DIP2C: variants seen among roughly 807,000 people sequenced by gnomAD.
DIP2C encodes disco-interacting protein 2 homolog C.
Under a neutral mutation model 192.4 loss-of-function variants are expected in DIP2C, and 33 were observed. That is an observed-to-expected ratio of 0.17 (90% CI 0.13 to 0.23). DIP2C has a LOEUF of 0.23. Among genes scored for constraint, DIP2C ranks in the 10% least tolerant of loss-of-function variants. The pLI is 1.00. For missense variants in DIP2C, 1,537 were observed against 2,110.1 expected (o/e 0.73, Z 5.32); for synonymous variants, 979 against 864.1 (o/e 1.13, Z -2.33).
At chr10:565,057 T>C (rs1478397446) in intron 1 of DIP2C, among the ~76,000 whole-genome samples, 1 of 152,180 alleles carries the variant, frequency 6.6e-6, no homozygotes, top group Non-Finnish European at 1.5e-5. Context: ...CTCTATTCAA[T>C]GGCAAACCAG....
intron 2 of DIP2C, among the ~76,000 whole-genome samples, chr10:477,835 G>A (rs1843198310): frequency 1.5e-5 from 2 of 131,396 alleles, no homozygotes; most frequent in East Asian, 2.3e-4. Flanking sequence ...GAAGGAGAAG[G>A]GAGAAAGAAA....
intron 1 of DIP2C, among the ~76,000 whole-genome samples, chr10:557,102 G>A (rs903199881): frequency 1.7e-4 from 26 of 152,324 alleles, no homozygotes; most frequent in Admixed American, 6.5e-4. Flanking sequence ...CCAGGAGACC[G>A]GCCACCTTGA....
chr10:466,124 C>A (rs933205418), intron 3 of DIP2C, among the ~76,000 whole-genome samples: 2 of 148,092 alleles, frequency 1.4e-5, no homozygotes, highest in African/African-American at 2.5e-5. Context: ...CATCACACTA[C>A]CTGACTTCAA....
intron 4 of DIP2C, among the ~76,000 whole-genome samples, chr10:423,873 A>G (rs955845800): frequency 1.3e-5 from 2 of 152,140 alleles, no homozygotes; most frequent in African/African-American, 2.4e-5. Context: ...ATCACGTCAC[A>G]TTTTACACTC....
At chr10:533,037 A>G (rs1234086980) in intron 1 of DIP2C, among the ~76,000 whole-genome samples, 1 of 152,114 alleles carries the variant, frequency 6.6e-6, no homozygotes, top group African/African-American at 2.4e-5. Context: ...GATATTTCTT[A>G]AACTATTACT....
chr10:410,343 T>A (rs565546013), intron 8 of DIP2C, among the ~76,000 whole-genome samples: 10 of 152,220 alleles, frequency 6.6e-5, no homozygotes, highest in African/African-American at 1.4e-4. Context: ...TCTAGCATAT[T>A]CTTGAGCACT....
chr10:687,775 G>C (rs1831387990), intron 1 of DIP2C, among the ~76,000 whole-genome samples: 1 of 152,194 alleles, frequency 6.6e-6, no homozygotes, highest in Non-Finnish European at 1.5e-5. Flanking sequence ...CCCAACACAG[G>C]ACACCCATTC....
intron 1 of DIP2C, among the ~76,000 whole-genome samples, chr10:593,917 G>C (rs1049340187): frequency 2.6e-5 from 4 of 151,472 alleles, no homozygotes; most frequent in African/African-American, 9.8e-5. Flanking sequence ...CCGAGTTAAA[G>C]GGCCTCTGAA....
chr10:289,370 G>A (rs1176726631), intron 32 of DIP2C, among the ~76,000 whole-genome samples: 1 of 152,082 alleles, frequency 6.6e-6, no homozygotes, highest in Non-Finnish European at 1.5e-5. Flanking sequence ...CTGGCCTCAA[G>A]CAATCCTCCC....
chr10:465,661 CCTT>C (rs1312284147), intron 3 of DIP2C, among the ~76,000 whole-genome samples: 1 of 151,952 alleles, frequency 6.6e-6, no homozygotes, highest in African/African-American at 2.4e-5. Context: ...CCCAAAATCT[CCTT>C]AAGCTGATAA....
At chr10:614,027 C>T (rs748748777) in intron 1 of DIP2C, among the ~76,000 whole-genome samples, 1 of 152,204 alleles carries the variant, frequency 6.6e-6, no homozygotes, top group Non-Finnish European at 1.5e-5. Flanking sequence ...CTGCATTCAA[C>T]GTCCTCCATG....
At position 286,610 on chromosome 10, in the gene DIP2C, C is replaced by T. The variant is rs138698542; in HGVS notation, c.4045-263G>A. Among the ~76,000 whole-genome samples, 60 of 152,218 alleles carry T rather than the reference C, an allele frequency of 3.9e-4. 1 individual carries two copies. The East Asian group carries it at 9.1e-3, about 23-fold the overall frequency. ...AAAATTAAACATTTTGATTGTCAGT[C>T]ATACCTCAATAAAGCTAAGAGAAAT... On this transcript the variant is annotated intron_variant, in intron 33 of 36. Coordinates refer to ENST00000280886, the MANE Select transcript of DIP2C (RefSeq NM_014974.3).
At chr10:340,756 A>C in intron 29 of DIP2C, 1 of 457,452 alleles carries the variant, frequency 2.2e-6, no homozygotes, top group Non-Finnish European at 4.4e-6. Context: ...ACCCCAGGGA[A>C]CGCTCAGCCC....
rs148191421 is a variant in DIP2C at position 348,530 on chromosome 10, C to G, written c.3231+111G>C. On this transcript the variant is annotated intron_variant, in intron 26 of 36. Coordinates refer to ENST00000280886, the MANE Select transcript of DIP2C (RefSeq NM_014974.3). ...TCCTGACCGTTTGACTCCAGACACA[C>G]CCCGGCTTCCACAGCCAGCAGCTGC... 7.4e-3 allele frequency: 11,261 copies of G among 1,519,106 alleles called. 91 individuals are homozygous for G. Among genetic ancestry groups the G allele is most frequent in the South Asian group, 0.027 (2,074 of 76,358 alleles). 94.1% of individuals were successfully genotyped at this position (1,519,106 alleles called of 1,614,324 possible). A position where few individuals can be genotyped will look rare whatever the true frequency, so the allele number is the denominator to read the frequency against.
chr10:393,969 A>C lies in DIP2C; in HGVS notation c.1261-3106T>G, dbSNP rs1472336365. Among the ~76,000 whole-genome samples, 4 of 152,242 alleles carry C rather than the reference A, an allele frequency of 2.6e-5. No homozygotes were observed. In the East Asian group the frequency reaches 7.7e-4, roughly 29 times the overall value. ...CCTTGCACGCTATTGGTGGGAATGC[A>C]AATTAGCACAGCCATTATGGAAAAT... On this transcript the variant is annotated intron_variant, in intron 10 of 36. Coordinates refer to ENST00000280886, the MANE Select transcript of DIP2C (RefSeq NM_014974.3).
intron 5 of DIP2C, 152 bp from the exon 6 acceptor site, chr10:419,351 C>T: frequency 9.4e-7 from 1 of 1,064,942 alleles, no homozygotes; most frequent in Non-Finnish European, 1.4e-6. Flanking sequence ...ATCTGCCACA[C>T]ACATCCAGCA....
chr10:399,291 G>A, intron 9 of DIP2C, 72 bp from the exon 10 acceptor site: 1 of 1,228,480 alleles, frequency 8.1e-7, no homozygotes, highest in South Asian at 1.2e-5. Context: ...GGAAGAGCTT[G>A]GTTCTAGGTG....
chr10:377,700 C>CA (rs1391694926), intron 17 of DIP2C, among the ~76,000 whole-genome samples: 2 of 152,202 alleles, frequency 1.3e-5, no homozygotes, highest in Non-Finnish European at 2.9e-5. Flanking sequence ...CAGGCACCAT[C>CA]AGCACCCAGT....
At chr10:314,363 T>C (rs542841317) in intron 31 of DIP2C, among the ~76,000 whole-genome samples, 4 of 152,222 alleles carry the variant, frequency 2.6e-5, no homozygotes, top group Admixed American at 6.5e-5. Flanking sequence ...CTAGCCACCC[T>C]GGCCTCTTCC....
Sources: allele counts gnomAD v4.1 joint callset (sites outside exome capture counted in the v4.1 genomes callset), GRCh38; gene constraint gnomAD v4.1.1; transcripts MANE v1.5; gene names NCBI Gene and HGNC (gene_info 2026-07-23, HGNC 2026-07-21).